Variants in GABRR1 observed in about 807,000 individuals in gnomAD.
The protein encoded by GABRR1 is gamma-aminobutyric acid receptor subunit rho-1.
GABRR1 carries 59 observed loss-of-function variants against 55.5 expected under a neutral mutation model. The ratio of observed to expected loss-of-function variants is 1.06; its 90% confidence interval spans 0.86 to 1.32. The LOEUF is 1.32. GABRR1 is among the 40% of genes most tolerant of loss of function. GABRR1 has a pLI of 0.00. For synonymous variants in GABRR1, 213 were observed against 226.0 expected, an observed-to-expected ratio of 0.94 and a Z score of 0.51; for missense variants, 602 against 619.1, an observed-to-expected ratio of 0.97 and a Z score of 0.29.
At chr6:89,204,530 A>T (rs967847141) in intron 1 of GABRR1, 47 of 800,900 alleles carry the variant, frequency 5.9e-5, no homozygotes, top group African/African-American at 4.6e-4. Flanking sequence ...ATGGGCACCT[A>T]AAAAGGGAGA....
intron 6 of GABRR1, among the ~76,000 whole-genome samples, chr6:89,187,143 A>G (rs1771927958): frequency 6.6e-6 from 1 of 152,166 alleles, no homozygotes; most frequent in Non-Finnish European, 1.5e-5. Flanking sequence ...GTAGAGGGAC[A>G]GAGATGCATG....
At chr6:89,195,911 G>A (rs1466297814) in intron 5 of GABRR1, among the ~76,000 whole-genome samples, 1 of 152,066 alleles carries the variant, frequency 6.6e-6, no homozygotes, top group African/African-American at 2.4e-5. Flanking sequence ...TACAAATCAG[G>A]GCTTGATTTA....
At chr6:89,211,587 G>A (rs374588429) in intron 1 of GABRR1, among the ~76,000 whole-genome samples, 2 of 152,082 alleles carry the variant, frequency 1.3e-5, no homozygotes, top group African/African-American at 4.8e-5. Flanking sequence ...ACCTTGGAGT[G>A]ATCTGACCCT....
intron 7 of GABRR1, among the ~76,000 whole-genome samples, chr6:89,184,867 C>A (rs1388203476): frequency 6.9e-6 from 1 of 145,212 alleles, no homozygotes; most frequent in Non-Finnish European, 1.5e-5. Context: ...GGATTTCTGC[C>A]TTTAGTTTCT....
At chr6:89,226,292 T>C (rs1181722474) in intron 1 of GABRR1, among the ~76,000 whole-genome samples, 1 of 143,664 alleles carries the variant, frequency 7.0e-6, no homozygotes. Flanking sequence ...GTCAATTTTG[T>C]CTTTTGTTGC....
Position 89,185,246 on chromosome 6 carries a change from G to C in GABRR1, c.796+64C>G, listed in dbSNP as rs746229032. ...ACCAATTCAAACCTTTCCTATAATA[G>C]AGGGTGAACCTTGGAGACCAAGCTG... On this transcript the variant is annotated intron_variant, in intron 7 of 9. Transcript: ENST00000454853. 4.8e-5 allele frequency: 77 copies of C among 1,596,914 alleles called. 1 individual carries two copies. In the East Asian group the frequency reaches 1.1e-3, roughly 23 times the overall value.
intron 7 of GABRR1, among the ~76,000 whole-genome samples, 200 bp from the exon 8 acceptor site, chr6:89,182,257 T>C (rs1228032398): frequency 6.6e-6 from 1 of 152,220 alleles, no homozygotes; most frequent in East Asian, 1.9e-4. Flanking sequence ...AAGAAACCTT[T>C]GGCCGTTGTC....
intron 8 of GABRR1, among the ~76,000 whole-genome samples, chr6:89,181,250 G>C (rs965997272): frequency 6.6e-6 from 1 of 152,162 alleles, no homozygotes; most frequent in Non-Finnish European, 1.5e-5. Flanking sequence ...TTAAGGGCCA[G>C]CTCCAATCCA....
intron 1 of GABRR1, among the ~76,000 whole-genome samples, chr6:89,214,092 T>C (rs1295313808): frequency 2.6e-5 from 4 of 152,054 alleles, no homozygotes; most frequent in African/African-American, 9.7e-5. Flanking sequence ...CTTTTCTTTC[T>C]TTCTCTTGTC....
intron 2 of GABRR1, among the ~76,000 whole-genome samples, chr6:89,201,591 A>C (rs546080600): frequency 1.3e-5 from 2 of 152,276 alleles, no homozygotes; most frequent in African/African-American, 4.8e-5. Context: ...CATCCTGGCT[A>C]ACACGGTGAA....
chr6:89,199,264 C>A, intron 4 of GABRR1, 98 bp downstream of exon 4: 2 of 1,049,958 alleles, frequency 1.9e-6, no homozygotes, highest in Non-Finnish European at 1.5e-6. Context: ...CCGCCCAGGG[C>A]AGTTGTGAGA....
In GABRR1 at chr6:89,206,590, C is replaced by T. The variant is rs904282700; in HGVS notation, c.123-3105G>A. On this transcript the variant is annotated intron_variant, in intron 1 of 9. Transcript: ENST00000454853. ...CCTTCTGACCATCCCACTCACTTCA[C>T]CGTGGGATCAATAGATGAGAGACTG... 2.0e-5 allele frequency among the ~76,000 whole-genome samples: 3 copies of T among 152,016 alleles called. No individual in the cohort carries two copies. The South Asian group carries it at 6.2e-4, about 32-fold the overall frequency.
chr6:89,185,981 T>G (rs955531221), intron 6 of GABRR1, among the ~76,000 whole-genome samples: 9 of 152,336 alleles, frequency 5.9e-5, no homozygotes, highest in Non-Finnish European at 1.3e-4. Context: ...CTCCAGTTAC[T>G]CCTACTCAGG....
intron 2 of GABRR1, among the ~76,000 whole-genome samples, chr6:89,203,056 G>A (rs377193400): frequency 1.3e-5 from 2 of 152,158 alleles, no homozygotes; most frequent in Non-Finnish European, 1.5e-5. Context: ...CAAATGGGAG[G>A]AGCCATTGCC....
chr6:89,209,623 G>C (rs1304292206), intron 1 of GABRR1, among the ~76,000 whole-genome samples: 1 of 151,986 alleles, frequency 6.6e-6, no homozygotes, highest in Non-Finnish European at 1.5e-5. Flanking sequence ...CTTCAACAGG[G>C]GTGAGTCAAG....
At chr6:89,190,597 T>C (rs553202799) in intron 5 of GABRR1, among the ~76,000 whole-genome samples, 7 of 152,370 alleles carry the variant, frequency 4.6e-5, no homozygotes, top group African/African-American at 1.7e-4. Flanking sequence ...CCATATATTG[T>C]TCTCCTGTTT....
rs781097151 is a variant in GABRR1 at position 89,179,071 on chromosome 6, C to T, written c.1147-8G>A. On this transcript the variant is annotated splice_polypyrimidine_tract_variant and splice_region_variant and intron_variant, in intron 9 of 9. Coordinates refer to ENST00000454853, the MANE Select transcript of GABRR1 (RefSeq NM_002042.5). ...TCCGCTGGTGCAGGGAAGCTGCAAA[C>T]AGTAAACACATGTTGGGGTGTGAGC... 1 of 1,611,366 alleles carries T rather than the reference C, an allele frequency of 6.2e-7. No homozygotes were observed. The highest frequency in any genetic ancestry group is 1.3e-5 in the African/African-American group (1 of 74,934).
At chr6:89,186,199 T>C (rs566988312) in intron 6 of GABRR1, among the ~76,000 whole-genome samples, 2 of 152,376 alleles carry the variant, frequency 1.3e-5, no homozygotes, top group East Asian at 3.8e-4. Flanking sequence ...TCTTGTTTTC[T>C]AACACTTGAC....
At chr6:89,182,135 T>A in intron 7 of GABRR1, 78 bp from the exon 8 acceptor site, 1 of 1,403,890 alleles carries the variant, frequency 7.1e-7, no homozygotes, top group Non-Finnish European at 9.9e-7. Flanking sequence ...AATTGTTAAG[T>A]GCCTTAGACA....
Sources: gnomAD v4.1 joint callset for allele counts (sites outside exome capture counted in the v4.1 genomes callset) on GRCh38, gnomAD v4.1.1 for gene constraint, MANE v1.5 for transcripts, NCBI Gene and HGNC (gene_info 2026-07-23, HGNC 2026-07-21) for gene names.